The following SLC24A3 variants were observed in gnomAD, a reference collection of about 807,000 sequenced individuals.
SLC24A3 encodes the protein sodium/potassium/calcium exchanger 3.
Under a neutral mutation model 75.8 loss-of-function variants are expected in SLC24A3, and 28 were observed. The observed-to-expected ratio is 0.37, with a 90% CI of 0.27 to 0.51. The LOEUF (loss-of-function observed/expected upper bound fraction) is 0.51. Among genes scored for constraint, SLC24A3 ranks in the 20% least tolerant of loss-of-function variants. The pLI, the probability that SLC24A3 is intolerant of heterozygous loss-of-function variation, is 0.94. For synonymous variants in SLC24A3, 372 were observed against 334.1 expected, an observed-to-expected ratio of 1.11 and a Z score of -1.24; for missense variants, 663 against 847.8, an observed-to-expected ratio of 0.78 and a Z score of 2.71.
In SLC24A3 at chr20:19,490,345, A is replaced by G. The variant is rs535760818; in HGVS notation, c.272-25143A>G. ...TCGTGAGAAATCTGGCAGTTGAAAA[A>G]TGTCTCCTGCCATATACTTCATCCA... On this transcript the variant is annotated intron_variant, in intron 2 of 16. Coordinates refer to ENST00000328041, the MANE Select transcript of SLC24A3 (RefSeq NM_020689.4). 2.6e-5 allele frequency among the ~76,000 whole-genome samples: 4 copies of G among 152,312 alleles called. No individual in the cohort carries two copies. The East Asian group carries it at 7.7e-4, about 29-fold the overall frequency.
chr20:19,220,036 G>A (rs1331491974), intron 1 of SLC24A3, among the ~76,000 whole-genome samples: 3 of 152,196 alleles, frequency 2.0e-5, no homozygotes, highest in Admixed American at 2.0e-4. Context: ...TTTGAGACTT[G>A]GGTAGAAACT....
At chr20:19,639,904 G>A (rs928109964) in intron 6 of SLC24A3, among the ~76,000 whole-genome samples, 2 of 152,260 alleles carry the variant, frequency 1.3e-5, no homozygotes, top group Non-Finnish European at 2.9e-5. Flanking sequence ...TGGGCCGGCA[G>A]GGCCGGCTGG....
intron 2 of SLC24A3, among the ~76,000 whole-genome samples, chr20:19,318,139 C>T (rs1008380377): frequency 2.0e-5 from 3 of 152,168 alleles, no homozygotes; most frequent in Non-Finnish European, 4.4e-5. Context: ...CTCTGAGGCA[C>T]GAGTCTGCAC....
At chr20:19,719,727 T>G (rs2033083017) in intron 16 of SLC24A3, among the ~76,000 whole-genome samples, 1 of 152,206 alleles carries the variant, frequency 6.6e-6, no homozygotes, top group Non-Finnish European at 1.5e-5. Context: ...CCTCCAACCC[T>G]GATGGACAGC....
chr20:19,621,517 A>G (rs1029698036), intron 6 of SLC24A3, among the ~76,000 whole-genome samples: 2 of 152,172 alleles, frequency 1.3e-5, no homozygotes, highest in Non-Finnish European at 2.9e-5. Flanking sequence ...GGGAATTTCC[A>G]AATGCATTCA....
intron 1 of SLC24A3, among the ~76,000 whole-genome samples, chr20:19,231,797 A>C (rs758959501): frequency 6.6e-6 from 1 of 152,268 alleles, no homozygotes; most frequent in Non-Finnish European, 1.5e-5. Flanking sequence ...AACTCTCTGC[A>C]GAGCAGGAAC....
At chr20:19,592,127 A>G (rs915033046) in intron 6 of SLC24A3, among the ~76,000 whole-genome samples, 4 of 152,060 alleles carry the variant, frequency 2.6e-5, no homozygotes, top group Non-Finnish European at 5.9e-5. Flanking sequence ...TATCAGTACT[A>G]TTTTGTTTTG....
chr20:19,696,634 T>C (rs190980424), intron 13 of SLC24A3, 163 bp from the exon 14 acceptor site: 4 of 514,520 alleles, frequency 7.8e-6, no homozygotes, highest in Non-Finnish European at 1.4e-5. Flanking sequence ...CCGGTCGGCA[T>C]CCACATAGTG....
In SLC24A3 at chr20:19,598,515, A is replaced by G. The variant is rs141383034; in HGVS notation, c.612+12971A>G. ...GGATGAGTTTCTTCTTCCCTTCCCT[A>G]TAGTGCATATACCTGAGTGCCATTG... On this transcript the variant is annotated intron_variant, in intron 6 of 16. Coordinates refer to ENST00000328041, the MANE Select transcript of SLC24A3 (RefSeq NM_020689.4). Among the ~76,000 whole-genome samples, 225 of 152,202 alleles carry G rather than the reference A, an allele frequency of 1.5e-3. 2 individuals are homozygous for G. Among genetic ancestry groups the G allele is most frequent in the African/African-American group, 5.3e-3 (219 of 41,536 alleles).
intron 2 of SLC24A3, among the ~76,000 whole-genome samples, chr20:19,486,062 G>T (rs1306106370): frequency 1.3e-5 from 2 of 152,078 alleles, no homozygotes; most frequent in Non-Finnish European, 2.9e-5. Context: ...AGGGTAGGTG[G>T]AGGGAATTTC....
chr20:19,631,160 A>G (rs2031928129), intron 6 of SLC24A3, among the ~76,000 whole-genome samples: 1 of 152,186 alleles, frequency 6.6e-6, no homozygotes, highest in South Asian at 2.1e-4. Context: ...CCTGGGCAAC[A>G]TGGTGAAACA....
intron 1 of SLC24A3, among the ~76,000 whole-genome samples, chr20:19,275,561 G>T (rs147791205): frequency 3.3e-5 from 5 of 152,272 alleles, no homozygotes; most frequent in African/African-American, 1.2e-4. Flanking sequence ...GCTAGTCAAG[G>T]CTGTTTGTCA....
At chr20:19,430,364 G>A (rs564263601) in intron 2 of SLC24A3, among the ~76,000 whole-genome samples, 35 of 152,186 alleles carry the variant, frequency 2.3e-4, no homozygotes, top group African/African-American at 4.6e-4. Flanking sequence ...TCTCCAGCCC[G>A]ACCAAGGGTC....
At chr20:19,511,049 GC>G (rs1160803265) in intron 2 of SLC24A3, among the ~76,000 whole-genome samples, 1 of 152,100 alleles carries the variant, frequency 6.6e-6, no homozygotes, top group Non-Finnish European at 1.5e-5. Context: ...AGTGGACGGA[GC>G]CCCCCACCCT....
rs184350326 is a variant in SLC24A3, at chr20:19,461,904, C to T, written c.272-53584C>T. Reference sequence around the variant, plus strand: ...TAAGGGAAAGTATAAGCATTTTCCCCATTTATGAGAGGTTAAGTAAAGTCT... The same window carrying T: ...TAAGGGAAAGTATAAGCATTTTCCCTATTTATGAGAGGTTAAGTAAAGTCT... On this transcript the variant is annotated intron_variant, in intron 2 of 16. Coordinates refer to ENST00000328041, the MANE Select transcript of SLC24A3 (RefSeq NM_020689.4). Among the ~76,000 whole-genome samples, 218 of 152,240 alleles carry T rather than the reference C, an allele frequency of 1.4e-3. 1 individual carries two copies. The highest frequency in any genetic ancestry group is 5.1e-3 in the African/African-American group (210 of 41,528).
chr20:19,439,925 G>T (rs1192566075), intron 2 of SLC24A3, among the ~76,000 whole-genome samples: 1 of 152,188 alleles, frequency 6.6e-6, no homozygotes, highest in Non-Finnish European at 1.5e-5. Context: ...GCCAGCTTTG[G>T]GTGGGAGGGG....
At chr20:19,502,047 A>G (rs905774508) in intron 2 of SLC24A3, among the ~76,000 whole-genome samples, 6 of 152,124 alleles carry the variant, frequency 3.9e-5, no homozygotes, top group African/African-American at 1.4e-4. Context: ...GAAAACAAGC[A>G]GAGACTGGAG....
chr20:19,440,508 C>T lies in SLC24A3; in HGVS notation c.272-74980C>T, dbSNP rs79720514. Among the ~76,000 whole-genome samples, 764 of 152,294 alleles carry T rather than the reference C, an allele frequency of 5.0e-3. 3 individuals are homozygous for T. Among genetic ancestry groups the T allele is most frequent in the Non-Finnish European group, 8.2e-3 (559 of 68,028 alleles). On this transcript the variant is annotated intron_variant, in intron 2 of 16. Coordinates refer to ENST00000328041, the MANE Select transcript of SLC24A3 (RefSeq NM_020689.4). ...CTAGCAAGGGACAAACTACCTTTGA[C>T]CTATATACCTGGCTTCCAAACCATG...
At chr20:19,604,434 A>G (rs1271219824) in intron 6 of SLC24A3, among the ~76,000 whole-genome samples, 1 of 152,200 alleles carries the variant, frequency 6.6e-6, no homozygotes, top group African/African-American at 2.4e-5. Context: ...AACAGAAAGA[A>G]GACCGCTGAT....
Sources: allele counts gnomAD v4.1 joint callset (sites outside exome capture counted in the v4.1 genomes callset), GRCh38; gene constraint gnomAD v4.1.1; transcripts MANE v1.5; gene names NCBI Gene and HGNC (gene_info 2026-07-23, HGNC 2026-07-21).